TBL1XR1: variants seen among roughly 807,000 people sequenced by gnomAD.
TBL1XR1 encodes the protein TBL1X/Y related 1, also known as F-box-like/WD repeat-containing protein TBL1XR1.
A neutral mutation model predicts 66.9 loss-of-function variants in TBL1XR1; 5 were observed. The observed-to-expected ratio is 0.07, with a 90% CI of 0.04 to 0.16. TBL1XR1 has a LOEUF of 0.16. TBL1XR1 is among the 10% of genes least tolerant of loss of function. The probability of loss-of-function intolerance (pLI) is 1.00; values close to 1 mark genes in which losing one functional copy is unlikely to be tolerated. For missense variants in TBL1XR1, 238 were observed against 623.2 expected (o/e 0.38, Z 6.58); for synonymous variants, 210 against 206.0 (o/e 1.02, Z -0.17).
intron 2 of TBL1XR1, among the ~76,000 whole-genome samples, chr3:177,096,950 G>A (rs578081094): frequency 9.9e-5 from 15 of 152,254 alleles, no homozygotes; most frequent in African/African-American, 3.6e-4. Context: ...GAGAGGAAAG[G>A]GAAGAGGGTG....
chr3:177,075,011 A>G (rs1422061565), intron 2 of TBL1XR1, among the ~76,000 whole-genome samples: 1 of 152,232 alleles, frequency 6.6e-6, no homozygotes, highest in Non-Finnish European at 1.5e-5. Context: ...CAAAATCCAC[A>G]TGTCCTTCTG....
intron 1 of TBL1XR1, among the ~76,000 whole-genome samples, chr3:177,172,586 A>G (rs1733663466): frequency 6.8e-6 from 1 of 147,576 alleles, no homozygotes; most frequent in African/African-American, 2.5e-5. Flanking sequence ...GTACCACTAC[A>G]CTCCTGCCTG....
chr3:177,042,811 C>T (rs2108457418), intron 10 of TBL1XR1, among the ~76,000 whole-genome samples: 1 of 152,158 alleles, frequency 6.6e-6, no homozygotes, highest in East Asian at 1.9e-4. Context: ...CTCCACCCCT[C>T]TTCTGATTTA....
At chr3:177,177,876 A>T (rs1397664714) in intron 1 of TBL1XR1, among the ~76,000 whole-genome samples, 1 of 146,324 alleles carries the variant, frequency 6.8e-6, no homozygotes, top group African/African-American at 2.5e-5. Flanking sequence ...AGGGACGTTT[A>T]AAAAAAAAAA....
intron 1 of TBL1XR1, among the ~76,000 whole-genome samples, chr3:177,140,532 G>A (rs1244211199): frequency 1.3e-5 from 2 of 152,090 alleles, no homozygotes; most frequent in Non-Finnish European, 2.9e-5. Context: ...AGACATTCAA[G>A]AACTGAAATT....
intron 12 of TBL1XR1, among the ~76,000 whole-genome samples, chr3:177,036,901 A>T (rs1714866730): frequency 6.6e-6 from 1 of 152,226 alleles, no homozygotes; most frequent in East Asian, 1.9e-4. Flanking sequence ...GTAGAGGGTT[A>T]GCTGTTGCAG....
chr3:177,144,022 G>C (rs62296584), intron 1 of TBL1XR1, among the ~76,000 whole-genome samples: 9,325 of 151,574 alleles, frequency 0.062, 374 homozygotes, highest in South Asian at 0.16. Flanking sequence ...GAGGCAGGCG[G>C]ATCACCTGAG....
intron 3 of TBL1XR1, among the ~76,000 whole-genome samples, chr3:177,063,221 T>C (rs1209966671): frequency 6.6e-6 from 1 of 152,206 alleles, no homozygotes; most frequent in African/African-American, 2.4e-5. Context: ...TACTGTTTTC[T>C]TACAGTAACA....
chr3:177,190,179 G>A lies in TBL1XR1; in HGVS notation c.-122+6942C>T, dbSNP rs912030350. Among the ~76,000 whole-genome samples the A allele has an allele frequency of 2.9e-5, 4 of 137,912 alleles. No individual in the cohort carries two copies. The Admixed American group carries it at 3.0e-4, about 10-fold the overall frequency. 90.5% of individuals were successfully genotyped at this position (137,912 alleles called of 152,430 possible). On this transcript the variant is annotated intron_variant, in intron 1 of 15. Transcript: ENST00000457928. ...AAAAAAAAAGAGTCCAAAATCTTAAGCATCATTATACCTAACTACCTGACA... is the reference window on the plus strand; with the variant it reads ...AAAAAAAAAGAGTCCAAAATCTTAAACATCATTATACCTAACTACCTGACA...
At chr3:177,130,195 T>G (rs954388043) in intron 1 of TBL1XR1, among the ~76,000 whole-genome samples, 1 of 144,588 alleles carries the variant, frequency 6.9e-6, no homozygotes, top group Non-Finnish European at 1.5e-5. Context: ...ACAATAAAAA[T>G]GCACATATCC....
At chr3:177,121,682 T>C (rs771305571) in intron 1 of TBL1XR1, among the ~76,000 whole-genome samples, 1 of 152,210 alleles carries the variant, frequency 6.6e-6, no homozygotes. Flanking sequence ...TCTTTCATCA[T>C]TGGCTCTGAG....
rs764951521 is a variant in TBL1XR1, at chr3:177,071,031, G to GTTTTTTTTTTTTTTT, written c.-45-6024_-45-6010dup. ...TGGAACAGACATGTTCTGAGAATCT[G>GTTTTTTTTTTTTTTT]TTTTTTTTTTTTTTTTTGAGACAGA... On this transcript the variant is annotated intron_variant, in intron 2 of 15. Transcript: ENST00000457928. Among the ~76,000 whole-genome samples the GTTTTTTTTTTTTTTT allele has an allele frequency of 1.9e-3, 203 of 104,654 alleles. 20 individuals carry two copies. The highest frequency in any genetic ancestry group is 6.9e-3 in the East Asian group (21 of 3,044). 68.7% of individuals were successfully genotyped at this position (104,654 alleles called of 152,430 possible). A position where few individuals can be genotyped will look rare whatever the true frequency, so the allele number is the denominator to read the frequency against.
chr3:177,178,446 A>G (rs78670262), intron 1 of TBL1XR1, among the ~76,000 whole-genome samples: 8 of 151,356 alleles, frequency 5.3e-5, no homozygotes, highest in Non-Finnish European at 1.2e-4. Flanking sequence ...ACTTTATGAG[A>G]AAAAAAAAGG....
At chr3:177,172,732 A>G (rs1194846110) in intron 1 of TBL1XR1, among the ~76,000 whole-genome samples, 1 of 151,602 alleles carries the variant, frequency 6.6e-6, no homozygotes, top group African/African-American at 2.4e-5. Context: ...GAGCCAAGCC[A>G]AGCCAAGCCA....
chr3:177,025,934 T>A (rs1178659668), intron 15 of TBL1XR1: 3 of 280,942 alleles, frequency 1.1e-5, no homozygotes, highest in African/African-American at 6.8e-5. Context: ...TTTGCATTGT[T>A]GTAAAGAGTT....
chr3:177,100,183 G>A (rs1382450401), intron 1 of TBL1XR1, among the ~76,000 whole-genome samples: 1 of 152,204 alleles, frequency 6.6e-6, no homozygotes, highest in Non-Finnish European at 1.5e-5. Flanking sequence ...AGGTTGCAGT[G>A]AGCTGAGATG....
intron 2 of TBL1XR1, among the ~76,000 whole-genome samples, chr3:177,089,462 T>C (rs1722559778): frequency 6.6e-6 from 1 of 152,228 alleles, no homozygotes; most frequent in African/African-American, 2.4e-5. Context: ...TGTTCTACAC[T>C]GTTCCCGAGG....
intron 1 of TBL1XR1, among the ~76,000 whole-genome samples, chr3:177,181,282 C>A (rs1018867539): frequency 1.3e-5 from 2 of 152,140 alleles, no homozygotes; most frequent in South Asian, 2.1e-4. Flanking sequence ...GTGTTCCAGA[C>A]CAGCCTGGCC....
rs139864965 is a variant in TBL1XR1, at chr3:177,166,155, G to A, written c.-122+30966C>T. 8.5e-4 allele frequency among the ~76,000 whole-genome samples: 129 copies of A among 152,252 alleles called. 2 individuals carry two copies. Among genetic ancestry groups the A allele is most frequent in the African/African-American group, 3.0e-3 (126 of 41,556 alleles). On this transcript the variant is annotated intron_variant, in intron 1 of 15. Coordinates refer to ENST00000457928, the MANE Select transcript of TBL1XR1 (RefSeq NM_024665.7). The stretch of plus-strand genomic sequence containing the variant: ...TAATCCCAGCACTCTGGGAGGCCAA[G>A]GCAGGTGGATTGGCTGAGCTCAGGA...
Sources: gnomAD v4.1 joint callset for allele counts (sites outside exome capture counted in the v4.1 genomes callset) on GRCh38, gnomAD v4.1.1 for gene constraint, MANE v1.5 for transcripts, NCBI Gene and HGNC (gene_info 2026-07-23, HGNC 2026-07-21) for gene names.